The following PIK3R4 variants were observed in gnomAD, a reference collection of about 807,000 sequenced individuals.
The protein encoded by PIK3R4 is phosphoinositide 3-kinase regulatory subunit 4.
Under a neutral mutation model 136.5 loss-of-function variants are expected in PIK3R4, and 46 were observed. The ratio of observed to expected loss-of-function variants is 0.34; its 90% confidence interval spans 0.27 to 0.43. PIK3R4 has a LOEUF of 0.43. Ranked by LOEUF, PIK3R4 falls within the 20% of genes least tolerant of loss-of-function variation. The pLI is 1.00. For synonymous variants in PIK3R4, 557 were observed against 566.7 expected (o/e 0.98, Z 0.24); for missense variants, 1,331 against 1,649.5 (o/e 0.81, Z 3.35).
intron 18 of PIK3R4, 127 bp from the exon 19 acceptor site, chr3:130,680,848 T>TC: frequency 1.3e-6 from 1 of 753,110 alleles, no homozygotes; most frequent in Non-Finnish European, 2.2e-6. Flanking sequence ...TAGAACAGCA[T>TC]ACCATTGGTT....
chr3:130,738,827 A>C (rs1276824773), intron 2 of PIK3R4, among the ~76,000 whole-genome samples: 1 of 152,196 alleles, frequency 6.6e-6, no homozygotes, highest in Non-Finnish European at 1.5e-5. Context: ...CAACTGAAAA[A>C]AATTAAGAAT....
chr3:130,697,867 T>C (rs536670770), intron 13 of PIK3R4, among the ~76,000 whole-genome samples: 19 of 152,356 alleles, frequency 1.2e-4, no homozygotes. Flanking sequence ...TCATATTCTT[T>C]CATTTCAGCA....
intron 6 of PIK3R4, among the ~76,000 whole-genome samples, 168 bp downstream of exon 6, chr3:130,728,295 A>T (rs1436016703): frequency 6.6e-6 from 1 of 152,154 alleles, no homozygotes; most frequent in Non-Finnish European, 1.5e-5. Flanking sequence ...CTTTATTTTA[A>T]CCAAGCCAAA....
At chr3:130,739,763 G>A (rs1324457493) in intron 2 of PIK3R4, among the ~76,000 whole-genome samples, 1 of 152,164 alleles carries the variant, frequency 6.6e-6, no homozygotes, top group African/African-American at 2.4e-5. Context: ...AATTTGGGAA[G>A]ACTTTGACCA....
intron 5 of PIK3R4, 23 bp from the exon 6 acceptor site, chr3:130,728,707 G>T: frequency 1.6e-6 from 2 of 1,232,068 alleles, no homozygotes; most frequent in East Asian, 2.5e-5. Flanking sequence ...AAAAAAGAAA[G>T]AAAGAAAGAA....
chr3:130,681,658 A>G, intron 16 of PIK3R4, 67 bp from the exon 17 acceptor site: 2 of 932,436 alleles, frequency 2.1e-6, no homozygotes, highest in Admixed American at 4.0e-5. Context: ...CAACAAAACA[A>G]ATTGCAGTCC....
At chr3:130,737,419 G>C (rs1426134423) in intron 2 of PIK3R4, among the ~76,000 whole-genome samples, 1 of 152,128 alleles carries the variant, frequency 6.6e-6, no homozygotes, top group Non-Finnish European at 1.5e-5. Context: ...CACCACTTTG[G>C]GAGGCCAAGG....
At position 130,686,416 on chromosome 3, in the gene PIK3R4, T is replaced by C. The variant is rs1188374493; in HGVS notation, c.3270A>G (p.Leu1090=). The C allele has an allele frequency of 6.3e-7, 1 of 1,597,102 alleles. No homozygotes were observed. The highest frequency in any genetic ancestry group is 1.7e-5 in the Admixed American group (1 of 59,968). Residue 1090 remains leucine (L), a synonymous_variant, in exon 15 of 20, where the codon CTA becomes CTG. Coordinates refer to ENST00000356763, the MANE Select transcript of PIK3R4 (RefSeq NM_014602.3). Reference sequence around the variant, plus strand: ...CAACACAACCGTCCTCCTTCTGATCTAGAATTCTAGAGAAATACACAAAGC... The same window carrying C: ...CAACACAACCGTCCTCCTTCTGATCCAGAATTCTAGAGAAATACACAAAGC... ...PKIHPLQSRI[L]DQKEDGCVVD... is the part of the protein sequence containing the mutation.
chr3:130,709,774 A>G (rs2066624734), intron 9 of PIK3R4, among the ~76,000 whole-genome samples: 1 of 152,204 alleles, frequency 6.6e-6, no homozygotes, highest in Non-Finnish European at 1.5e-5. Flanking sequence ...AGCCAGACAC[A>G]GAAGGCCACA....
intron 8 of PIK3R4, among the ~76,000 whole-genome samples, chr3:130,718,119 T>C (rs4682633): frequency 6.6e-6 from 1 of 152,078 alleles, no homozygotes; most frequent in African/African-American, 2.4e-5. Context: ...CTTTTAACAG[T>C]TGCTTTATAA....
At chr3:130,687,994 G>A (rs1013034277) in intron 14 of PIK3R4, among the ~76,000 whole-genome samples, 2 of 152,108 alleles carry the variant, frequency 1.3e-5, no homozygotes, top group Non-Finnish European at 2.9e-5. Flanking sequence ...AATGGCCAGA[G>A]CTAAAAGATA....
intron 9 of PIK3R4, among the ~76,000 whole-genome samples, chr3:130,715,067 G>A (rs1263467367): frequency 6.6e-6 from 1 of 150,718 alleles, no homozygotes; most frequent in Non-Finnish European, 1.5e-5. Flanking sequence ...CCCACTGACA[G>A]TGTAAAAGTA....
intron 13 of PIK3R4, among the ~76,000 whole-genome samples, chr3:130,695,798 G>T (rs1478953274): frequency 6.6e-6 from 1 of 152,056 alleles, no homozygotes; most frequent in East Asian, 1.9e-4. Context: ...CATAAGGTTT[G>T]GTACTATCCG....
chr3:130,740,280 T>C (rs775211401), intron 2 of PIK3R4, among the ~76,000 whole-genome samples: 1 of 152,184 alleles, frequency 6.6e-6, no homozygotes, highest in Non-Finnish European at 1.5e-5. Flanking sequence ...ATGTAATACC[T>C]GAACCCTAAA....
chr3:130,697,511 C>T (rs2066552950), intron 13 of PIK3R4, among the ~76,000 whole-genome samples: 1 of 152,196 alleles, frequency 6.6e-6, no homozygotes, highest in Non-Finnish European at 1.5e-5. Flanking sequence ...CTTCTACCAA[C>T]TCTGCCTTGT....
At chr3:130,715,614 T>C (rs570797667) in intron 9 of PIK3R4, among the ~76,000 whole-genome samples, 14 of 152,308 alleles carry the variant, frequency 9.2e-5, no homozygotes, top group Non-Finnish European at 1.6e-4. Context: ...GATTTTTTTT[T>C]CTTGTAAATA....
At position 130,733,611 on chromosome 3, in the gene PIK3R4, T is replaced by C. The variant is rs2107619591; in HGVS notation, c.1387A>G (p.Ile463Val). The change falls in exon 4 of 20, where the codon ATT becomes GTT. Residue 463 changes from isoleucine (I) to valine (V), a missense_variant. Physicochemically the swap from Ile to Val is conservative, Grantham distance 29 (BLOSUM62 3). Coordinates refer to ENST00000356763, the MANE Select transcript of PIK3R4 (RefSeq NM_014602.3). ...RNDINIYPEY[I>V]LPGIAHLAQD... ...GCTAAGTGGGCTATGCCTGGCAGAA[T>C]GTATTCCGGATAAATATTGATATCA... is the stretch of plus-strand genomic sequence containing the variant. The C allele has an allele frequency of 6.2e-7, 1 of 1,614,124 alleles. No homozygotes were observed. The highest frequency in any genetic ancestry group is 8.5e-7 in the Non-Finnish European group (1 of 1,179,944).
chr3:130,731,253 C>T (rs1030606620), intron 4 of PIK3R4, among the ~76,000 whole-genome samples: 1 of 152,150 alleles, frequency 6.6e-6, no homozygotes, highest in Non-Finnish European at 1.5e-5. Context: ...TCCTTCTTAG[C>T]AGTGAATAGC....
chr3:130,744,519 C>T lies in PIK3R4; in HGVS notation c.700G>A (p.Glu234Lys). 6.2e-7 allele frequency: 1 copy of T among 1,613,954 alleles called. No individual in the cohort carries two copies. Among genetic ancestry groups the T allele is most frequent in the African/African-American group, 1.3e-5 (1 of 75,068 alleles). Residue 234 changes from glutamate (E) to lysine (K), a missense_variant, in exon 2 of 20, where the codon GAG becomes AAG. Transcript: ENST00000356763. ...DLNSNQRTRG[E>K]LKRAMDIFSA... ...AAGATGTCCATTGCTCTCTTCAACTCTCCTCTTGTTCTCTGATTGCTATTT... is the reference window on the plus strand; with the variant it reads ...AAGATGTCCATTGCTCTCTTCAACTTTCCTCTTGTTCTCTGATTGCTATTT...
Sources: allele counts gnomAD v4.1 joint callset (sites outside exome capture counted in the v4.1 genomes callset), GRCh38; gene constraint gnomAD v4.1.1; transcripts MANE v1.5; gene names NCBI Gene and HGNC (gene_info 2026-07-23, HGNC 2026-07-21).